C16orf46: variants seen among roughly 807,000 people sequenced by gnomAD.
C16orf46 encodes uncharacterized protein C16orf46.
A neutral mutation model predicts 5.5 loss-of-function variants in C16orf46; 7 were observed. The ratio of observed to expected loss-of-function variants is 1.28; its 90% CI spans 0.73 to 2.40. The LOEUF is 2.40. Among genes scored for constraint, C16orf46 ranks in the 30% most tolerant of loss-of-function variants. The probability of loss-of-function intolerance (pLI) is 0.00; values close to 1 mark genes in which losing one functional copy is unlikely to be tolerated. For synonymous variants in C16orf46, 200 were observed against 184.1 expected, an observed-to-expected ratio of 1.09 and a Z score of -0.70; for missense variants, 614 against 476.0, an observed-to-expected ratio of 1.29 and a Z score of -2.70.
Position 81,061,861 on chromosome 16 carries a change from A to C in C16orf46, c.488T>G (p.Leu163Arg), listed in dbSNP as rs756424839. The C allele has an allele frequency of 2.0e-5, 33 of 1,614,086 alleles. No homozygotes were observed. The highest frequency in any genetic ancestry group is 2.5e-5 in the Non-Finnish European group (30 of 1,180,042). Reference sequence around the variant, plus strand: ...GCACCAAATAAACTCCTTGATTTGCAGACTTTTTTTCTCTGCTCGAAAGTA... The same window carrying C: ...GCACCAAATAAACTCCTTGATTTGCCGACTTTTTTTCTCTGCTCGAAAGTA... ...PTYFRAEKKS[L>R]QIKEFIWCNK... The change falls in exon 4 of 4, where the codon CTG (leucine) becomes CGG (arginine). Residue 163 changes from leucine (L) to arginine (R), a missense_variant. Physicochemically the swap from Leu to Arg is moderately radical, Grantham distance 102. Coordinates refer to ENST00000299578, the MANE Select transcript of C16orf46 (RefSeq NM_152337.3).
intron 1 of C16orf46, among the ~76,000 whole-genome samples, chr16:81,070,622 A>G (rs765298693): frequency 6.6e-5 from 10 of 152,222 alleles, no homozygotes; most frequent in Non-Finnish European, 1.2e-4. Flanking sequence ...AATGGATCAT[A>G]GATTATAAAT....
intron 1 of C16orf46, among the ~76,000 whole-genome samples, chr16:81,071,769 G>A (rs1297028593): frequency 6.6e-6 from 1 of 152,112 alleles, no homozygotes; most frequent in African/African-American, 2.4e-5. Context: ...TACATATACC[G>A]AGTCTCTAAG....
exon 4 of C16orf46, chr16:81,054,046 A>T: frequency 1.2e-6 from 2 of 1,605,186 alleles, no homozygotes; most frequent in East Asian, 4.5e-5. Context: ...GCTGCTTAGG[A>T]CTGAATGTGA....
At chr16:81,069,971 A>C (rs1971791376) in intron 1 of C16orf46, 1 of 152,144 alleles carries the variant, frequency 6.6e-6, no homozygotes, top group Non-Finnish European at 1.5e-5. Flanking sequence ...AAAAATACAA[A>C]AAAAATTAGC....
downstream of C16orf46, among the ~76,000 whole-genome samples, chr16:81,056,730 CTGCTTCTT>C (rs1971307580): frequency 6.7e-6 from 1 of 149,920 alleles, no homozygotes; most frequent in Non-Finnish European, 1.5e-5. Context: ...AGACTTATGG[CTGCTTCTT>C]TGCTTCTTTC....
At chr16:81,076,998 G>T (rs1025553672) in intron 1 of C16orf46, 138 bp downstream of exon 1, 2 of 152,484 alleles carry the variant, frequency 1.3e-5, no homozygotes, top group Non-Finnish European at 2.9e-5. Context: ...CCCGCTCTGG[G>T]GAAGCCCCGG....
downstream of C16orf46, chr16:81,060,794 G>C (rs552949883): frequency 4.4e-6 from 1 of 226,788 alleles, no homozygotes; most frequent in Admixed American, 5.2e-5. Flanking sequence ...GCTGACGTGC[G>C]GCCAGCATGG....
chr16:81,061,223 C>G lies in C16orf46; in HGVS notation c.1126G>C (p.Val376Leu), dbSNP rs769208412. The change falls in exon 4 of 4, where the codon GTC (valine) becomes CTC (leucine). Residue 376 changes from valine (V) to leucine (L), a missense_variant. Coordinates refer to ENST00000299578, the MANE Select transcript of C16orf46 (RefSeq NM_152337.3). ...CTGCTCACTGTGAGAGACGGCAAGA[C>G]AGGTCTTGGGAAAACTTTGGTCTCC... Reference protein sequence around the residue: ...MLETKVFPRPVLPSLTVSRVI... With the variant: ...MLETKVFPRPLLPSLTVSRVI... 3.1e-6 allele frequency: 5 copies of G among 1,614,110 alleles called. No homozygotes were observed. The highest frequency in any genetic ancestry group is 4.2e-6 in the Non-Finnish European group (5 of 1,179,986).
At chr16:81,057,420 A>G (rs977464752), downstream of C16orf46, among the ~76,000 whole-genome samples, 3 of 151,736 alleles carry the variant, frequency 2.0e-5, no homozygotes, top group African/African-American at 7.3e-5. Flanking sequence ...ATGGTTGTGC[A>G]CACCTGTAAT....
At chr16:81,060,100 T>C (rs546248162), downstream of C16orf46, among the ~76,000 whole-genome samples, 10 of 151,938 alleles carry the variant, frequency 6.6e-5, no homozygotes, top group Non-Finnish European at 1.5e-4. Flanking sequence ...AAAAAGTAAT[T>C]ATTCTTAACC....
At chr16:81,054,274 ACAAC>A (rs1347571931) in intron 3 of C16orf46, among the ~76,000 whole-genome samples, 4 of 17,788 alleles carry the variant, frequency 2.2e-4, no homozygotes, top group African/African-American at 2.7e-4. Flanking sequence ...AACAACAACA[ACAAC>A]AACAAAAAAA....
chr16:81,064,176 G>C (rs1000839960), intron 2 of C16orf46, among the ~76,000 whole-genome samples, 183 bp from the exon 3 acceptor site: 9 of 152,198 alleles, frequency 5.9e-5, no homozygotes, highest in African/African-American at 1.9e-4. Context: ...TTGAGGTCAG[G>C]AGTTTGTGAC....
chr16:81,063,896 C>T lies in C16orf46; in HGVS notation c.60G>A (p.Gln20=). The change falls in exon 3 of 4, where the codon CAG becomes CAA. Residue 20 remains glutamine, a synonymous_variant. Coordinates refer to ENST00000299578, the MANE Select transcript of C16orf46 (RefSeq NM_152337.3). ...AGGTTGGTTCTGTTTCTTCTGTGAA[C>T]TGAATTTCATTATTTTCAGCATTTT... ...DLENAENNEI[Q]FTEETEPTYT... 1 of 1,613,730 alleles carries T rather than the reference C, an allele frequency of 6.2e-7. No individual in the cohort carries two copies. The highest frequency in any genetic ancestry group is 8.5e-7 in the Non-Finnish European group (1 of 1,179,816).
At chr16:81,071,108 A>G (rs377672534) in intron 1 of C16orf46, among the ~76,000 whole-genome samples, 14 of 152,188 alleles carry the variant, frequency 9.2e-5, no homozygotes, top group African/African-American at 3.1e-4. Flanking sequence ...CAGCGGCGAT[A>G]TGGTGAGTTA....
At chr16:81,070,442 G>A (rs1288123542) in intron 1 of C16orf46, among the ~76,000 whole-genome samples, 1 of 152,112 alleles carries the variant, frequency 6.6e-6, no homozygotes, top group African/African-American at 2.4e-5. Context: ...AGTGAATGAA[G>A]AGACACATAG....
At chr16:81,070,667 G>A (rs955321391) in intron 1 of C16orf46, among the ~76,000 whole-genome samples, 1 of 152,066 alleles carries the variant, frequency 6.6e-6, no homozygotes, top group Non-Finnish European at 1.5e-5. Flanking sequence ...TTATTTGGGG[G>A]TTTCCTGTTT....
Position 81,061,153 on chromosome 16 carries a change from G to T in C16orf46, c.*8C>A, listed in dbSNP as rs115345346. 8.8e-6 allele frequency: 14 copies of T among 1,585,866 alleles called. No homozygotes were observed. Among genetic ancestry groups the T allele is most frequent in the Admixed American group, 1.8e-5 (1 of 55,792 alleles). On this transcript the variant is annotated 3_prime_UTR_variant, in exon 4 of 4. Transcript: ENST00000299578. ...GGTGCTTATTCCCAGGGGTTCTACC[G>T]CAACCGCTCAGAGGATCCTGTGGGT... is the stretch of plus-strand genomic sequence containing the variant.
intron 3 of C16orf46, among the ~76,000 whole-genome samples, chr16:81,062,489 ATATT>A (rs1227269666): frequency 6.6e-6 from 1 of 152,262 alleles, no homozygotes; most frequent in Non-Finnish European, 1.5e-5. Context: ...TGTGCTGACT[ATATT>A]TCTTTTCAAA....
chr16:81,063,387 C>T (rs934990453), intron 3 of C16orf46, among the ~76,000 whole-genome samples: 3 of 152,136 alleles, frequency 2.0e-5, no homozygotes, highest in Admixed American at 2.0e-4. Context: ...CAAGCCCTGC[C>T]TTGGCCACTT....
Sources: gnomAD v4.1 joint callset for allele counts (sites outside exome capture counted in the v4.1 genomes callset) on GRCh38, gnomAD v4.1.1 for gene constraint, MANE v1.5 for transcripts, NCBI Gene and HGNC (gene_info 2026-07-23, HGNC 2026-07-21) for gene names.